The following ZFPM2 variants were observed in gnomAD, a reference collection of about 807,000 sequenced individuals.
ZFPM2 encodes zinc finger protein, FOG family member 2.
ZFPM2 carries 20 observed loss-of-function variants against 98.6 expected under a neutral mutation model. That is an observed-to-expected ratio of 0.20 (90% confidence interval 0.14 to 0.29). The LOEUF (loss-of-function observed/expected upper bound fraction) is 0.29, where lower values mean the gene tolerates loss of function less well. Ranked by LOEUF, ZFPM2 falls within the 10% of genes least tolerant of loss-of-function variation. ZFPM2 has a pLI of 1.00. For missense variants in ZFPM2, 1,310 were observed against 1,388.6 expected (o/e 0.94, Z 0.90); for synonymous variants, 518 against 502.7 (o/e 1.03, Z -0.41).
At chr8:105,685,221 T>A (rs1810704119) in intron 5 of ZFPM2, among the ~76,000 whole-genome samples, 1 of 152,084 alleles carries the variant, frequency 6.6e-6, no homozygotes, top group African/African-American at 2.4e-5. Flanking sequence ...ATGTGGTCAA[T>A]CAGATTAAGG....
chr8:105,548,070 T>C (rs1196913955), intron 3 of ZFPM2, among the ~76,000 whole-genome samples: 1 of 152,100 alleles, frequency 6.6e-6, no homozygotes, highest in African/African-American at 2.4e-5. Context: ...TGTCTGATTC[T>C]GCTTTCAGAC....
At chr8:105,383,562 G>C (rs1348880373) in intron 1 of ZFPM2, among the ~76,000 whole-genome samples, 1 of 152,124 alleles carries the variant, frequency 6.6e-6, no homozygotes, top group Non-Finnish European at 1.5e-5. Flanking sequence ...TAAAAGAACT[G>C]GATCTTTGAA....
In ZFPM2 at chr8:105,705,920, C is replaced by T. The variant is rs751137741; in HGVS notation, c.532+71563C>T. On this transcript the variant is annotated intron_variant, in intron 5 of 7. Transcript: ENST00000407775. ...GTTTGACTAATAGATATCCTTCCTTCAGAAATGTGGAATAAGTTACCCCAA... is the reference window on the plus strand; with the variant it reads ...GTTTGACTAATAGATATCCTTCCTTTAGAAATGTGGAATAAGTTACCCCAA... Among the ~76,000 whole-genome samples the T allele has an allele frequency of 1.7e-4, 26 of 152,096 alleles. 1 individual carries two copies. The highest frequency in any genetic ancestry group is 7.2e-4 in the Admixed American group (11 of 15,266).
intron 5 of ZFPM2, among the ~76,000 whole-genome samples, chr8:105,647,823 C>T (rs11986104): frequency 0.47 from 70,704 of 151,706 alleles, 16,650 homozygotes; most frequent in African/African-American, 0.53. Context: ...TTGTGAATAG[C>T]ACCACAATAA....
intron 4 of ZFPM2, among the ~76,000 whole-genome samples, chr8:105,605,496 T>G (rs1185235740): frequency 6.6e-6 from 1 of 152,106 alleles, no homozygotes; most frequent in Admixed American, 6.6e-5. Context: ...TGATAGATAA[T>G]TCCATACAGA....
intron 3 of ZFPM2, among the ~76,000 whole-genome samples, chr8:105,450,924 A>G (rs1812472711): frequency 6.6e-6 from 1 of 152,086 alleles, no homozygotes; most frequent in Admixed American, 6.6e-5. Flanking sequence ...GTTCTCTTTT[A>G]TTCCCTACTC....
chr8:105,392,167 G>A (rs1356846243), intron 1 of ZFPM2, among the ~76,000 whole-genome samples: 3 of 152,134 alleles, frequency 2.0e-5, no homozygotes, highest in Admixed American at 2.0e-4. Flanking sequence ...ATATTTTGAA[G>A]GGAATTTTTT....
chr8:105,414,604 C>T lies in ZFPM2; in HGVS notation c.41-4540C>T, dbSNP rs571356427. On this transcript the variant is annotated intron_variant, in intron 1 of 7. Coordinates refer to ENST00000407775, the MANE Select transcript of ZFPM2 (RefSeq NM_012082.4). ...AATGCCTATATGTTTTCGCATCCCC[C>T]CCTTTTTTTTTTCTGAAATTTTCTT... 3.3e-5 allele frequency among the ~76,000 whole-genome samples: 5 copies of T among 151,794 alleles called. No homozygotes were observed. In the East Asian group the frequency reaches 9.7e-4, roughly 29 times the overall value.
At chr8:105,540,237 G>C (rs1208656942) in intron 3 of ZFPM2, among the ~76,000 whole-genome samples, 1 of 152,076 alleles carries the variant, frequency 6.6e-6, no homozygotes, top group East Asian at 1.9e-4. Context: ...AAGATATTCA[G>C]AGGGATTTTG....
chr8:105,472,862 G>A (rs1247323998), intron 3 of ZFPM2, among the ~76,000 whole-genome samples: 1 of 138,352 alleles, frequency 7.2e-6, no homozygotes, highest in Admixed American at 7.2e-5. Context: ...CCTGGAATAT[G>A]TCTTTCCCCT....
chr8:105,687,359 A>G (rs750260923), intron 5 of ZFPM2, among the ~76,000 whole-genome samples: 2 of 152,226 alleles, frequency 1.3e-5, no homozygotes, highest in Non-Finnish European at 1.5e-5. Flanking sequence ...CCACAAAACT[A>G]TACATTTGTA....
At chr8:105,479,416 T>C (rs1813072734) in intron 3 of ZFPM2, among the ~76,000 whole-genome samples, 1 of 152,204 alleles carries the variant, frequency 6.6e-6, no homozygotes, top group South Asian at 2.1e-4. Context: ...TAAAAAGTCA[T>C]GTTACTCCTT....
At chr8:105,334,635 G>A (rs375844505) in intron 1 of ZFPM2, among the ~76,000 whole-genome samples, 3 of 151,696 alleles carry the variant, frequency 2.0e-5, no homozygotes, top group East Asian at 3.9e-4. Flanking sequence ...TTTAGGCCCT[G>A]TTATACAAAA....
chr8:105,466,529 C>G (rs1175183301), intron 3 of ZFPM2, among the ~76,000 whole-genome samples: 2 of 151,938 alleles, frequency 1.3e-5, no homozygotes, highest in Admixed American at 1.3e-4. Flanking sequence ...CCTTATTGTG[C>G]CTTTTAATTT....
intron 1 of ZFPM2, among the ~76,000 whole-genome samples, chr8:105,371,287 T>G (rs1205072550): frequency 6.6e-6 from 1 of 152,146 alleles, no homozygotes; most frequent in Non-Finnish European, 1.5e-5. Flanking sequence ...TTTTGTCATG[T>G]TAGTCCAAAA....
At chr8:105,739,329 A>G (rs574123567) in intron 5 of ZFPM2, among the ~76,000 whole-genome samples, 59 of 152,070 alleles carry the variant, frequency 3.9e-4, no homozygotes, top group Middle Eastern at 6.3e-3. Context: ...GATTATAACG[A>G]GTAAATTAAG....
rs181117105 is a variant in ZFPM2, at chr8:105,484,025, C to T, written c.301+39644C>T. ...CTGGGATTACAGGTGTGAGCCACTG[C>T]ACCTGGCCTCTTTGATTACTTTTAA... On this transcript the variant is annotated intron_variant, in intron 3 of 7. Coordinates refer to ENST00000407775, the MANE Select transcript of ZFPM2 (RefSeq NM_012082.4). Among the ~76,000 whole-genome samples, 163 of 152,172 alleles carry T rather than the reference C, an allele frequency of 1.1e-3. 1 individual carries two copies. The highest frequency in any genetic ancestry group is 2.6e-3 in the Admixed American group (40 of 15,296).
chr8:105,418,901 A>G, intron 1 of ZFPM2: 2 of 575,932 alleles, frequency 3.5e-6, no homozygotes, highest in East Asian at 3.3e-5. Context: ...TGGGGACGCA[A>G]TGGAGATGCA....
chr8:105,380,633 ATTATATATATATTATATATATATATT>A (rs1482700827), intron 1 of ZFPM2, among the ~76,000 whole-genome samples: 1 of 21,144 alleles, frequency 4.7e-5, no homozygotes, highest in African/African-American at 1.6e-4. Flanking sequence ...TAACATATAT[ATTATATATATATTATATATATATATT>A]ATATATAACA....
Sources: gnomAD v4.1 joint callset for allele counts (sites outside exome capture counted in the v4.1 genomes callset) on GRCh38, gnomAD v4.1.1 for gene constraint, MANE v1.5 for transcripts, NCBI Gene and HGNC (gene_info 2026-07-23, HGNC 2026-07-21) for gene names.